Variants in NLGN1 observed in about 807,000 individuals in gnomAD.
NLGN1 encodes neuroligin 1.
Under a neutral mutation model 65.5 loss-of-function variants are expected in NLGN1, and 12 were observed. The observed-to-expected ratio is 0.18, with a 90% CI of 0.12 to 0.30. NLGN1 has a LOEUF of 0.30. NLGN1 is among the 10% of genes least tolerant of loss of function. NLGN1 has a pLI of 1.00. For missense variants in NLGN1, 750 were observed against 1,007.1 expected, an observed-to-expected ratio of 0.74 and a Z score of 3.46; for synonymous variants, 350 against 359.5, an observed-to-expected ratio of 0.97 and a Z score of 0.30.
At chr3:173,731,833 T>C (rs1772907950) in intron 3 of NLGN1, among the ~76,000 whole-genome samples, 1 of 152,072 alleles carries the variant, frequency 6.6e-6, no homozygotes, top group African/African-American at 2.4e-5. Context: ...GTATTATGAC[T>C]GAGTTCAGGA....
intron 4 of NLGN1, among the ~76,000 whole-genome samples, chr3:174,156,440 T>C (rs533892231): frequency 5.3e-5 from 8 of 151,920 alleles, no homozygotes; most frequent in Admixed American, 1.3e-4. Context: ...ATTCTCGAAA[T>C]GAAAGTAAGA....
At chr3:173,539,608 GTTATATA>G (rs542927368) in intron 2 of NLGN1, among the ~76,000 whole-genome samples, 2 of 84,594 alleles carry the variant, frequency 2.4e-5, no homozygotes, top group South Asian at 4.4e-4. Context: ...ATATATGTAT[GTTATATA>G]TTATATATTT....
At chr3:173,845,487 TG>T (rs1384841146) in intron 4 of NLGN1, among the ~76,000 whole-genome samples, 1 of 152,140 alleles carries the variant, frequency 6.6e-6, no homozygotes, top group Non-Finnish European at 1.5e-5. Flanking sequence ...AAATCTCTGT[TG>T]TGGCGAAATA....
intron 4 of NLGN1, among the ~76,000 whole-genome samples, chr3:173,904,622 T>C (rs1738028469): frequency 6.6e-6 from 1 of 152,072 alleles, no homozygotes; most frequent in African/African-American, 2.4e-5. Flanking sequence ...AATAATATCT[T>C]GAGAGAAATA....
At chr3:173,739,828 G>A (rs896945638) in intron 3 of NLGN1, among the ~76,000 whole-genome samples, 16 of 152,032 alleles carry the variant, frequency 1.1e-4, no homozygotes, top group African/African-American at 2.7e-4. Context: ...TTGTAAATGC[G>A]CTTCTACTTT....
chr3:173,879,041 T>C (rs1254102816), intron 4 of NLGN1, among the ~76,000 whole-genome samples: 1 of 152,052 alleles, frequency 6.6e-6, no homozygotes, highest in Non-Finnish European at 1.5e-5. Flanking sequence ...GAGACCAGCC[T>C]GGCCAACACG....
rs1196474218 is a variant in NLGN1, at chr3:174,154,972, A to ATTATATG, written c.647-120342_647-120341insTATATGT. On this transcript the variant is annotated intron_variant, in intron 4 of 6. Coordinates refer to ENST00000457714, the Ensembl canonical transcript of NLGN1. ...TATATAATATAATATATAATTATAT[A>ATTATATG]TAATATATTATATTATATATTATAT... Among the ~76,000 whole-genome samples, 1,215 of 135,496 alleles carry ATTATATG rather than the reference A, an allele frequency of 9.0e-3. 8 individuals carry two copies. Among genetic ancestry groups the ATTATATG allele is most frequent in the Middle Eastern group, 0.034 (9 of 264 alleles). The allele number at this position is 135,496 out of a possible 152,430, so 88.9% of individuals were successfully genotyped here.
At chr3:173,447,646 T>C (rs991458539) in intron 2 of NLGN1, among the ~76,000 whole-genome samples, 32 of 152,182 alleles carry the variant, frequency 2.1e-4, no homozygotes, top group Non-Finnish European at 3.5e-4. Context: ...TAAATTACCT[T>C]GGGCAGTATG....
intron 4 of NLGN1, among the ~76,000 whole-genome samples, chr3:173,938,063 G>A (rs1745359988): frequency 6.6e-6 from 1 of 152,140 alleles, no homozygotes; most frequent in African/African-American, 2.4e-5. Flanking sequence ...CCTATTAATT[G>A]TCAAACACTG....
intron 4 of NLGN1, among the ~76,000 whole-genome samples, chr3:174,273,291 AC>A (rs1561447097): frequency 4.0e-5 from 6 of 150,496 alleles, no homozygotes; most frequent in African/African-American, 1.2e-4. Flanking sequence ...TCTTTCATTC[AC>A]TCTCTCTCTC....
chr3:174,147,930 A>G (rs1723647953), intron 4 of NLGN1, among the ~76,000 whole-genome samples: 1 of 152,192 alleles, frequency 6.6e-6, no homozygotes, highest in Non-Finnish European at 1.5e-5. Context: ...GAACTACCAC[A>G]TTAAAATAGC....
chr3:173,800,284 C>A, intron 3 of NLGN1: 1 of 1,087,454 alleles, frequency 9.2e-7, no homozygotes, highest in Non-Finnish European at 1.2e-6. Flanking sequence ...TCTCCGTTCT[C>A]AATCCTAGGT....
intron 3 of NLGN1, among the ~76,000 whole-genome samples, chr3:173,755,960 G>A (rs987563292): frequency 1.3e-5 from 2 of 151,970 alleles, no homozygotes; most frequent in Admixed American, 6.6e-5. Context: ...TGTATCATTG[G>A]TAAAATAGGT....
chr3:173,575,315 A>C (rs780081628), intron 2 of NLGN1, among the ~76,000 whole-genome samples: 1 of 152,248 alleles, frequency 6.6e-6, no homozygotes, highest in Non-Finnish European at 1.5e-5. Flanking sequence ...AGTTTATGGA[A>C]TCTTGTTTGA....
intron 4 of NLGN1, among the ~76,000 whole-genome samples, chr3:174,154,907 A>G (rs1015819875): frequency 2.3e-5 from 3 of 128,170 alleles, no homozygotes; most frequent in African/African-American, 9.6e-5. Context: ...TTTTCATTTT[A>G]TATTAAGATA....
intron 2 of NLGN1, among the ~76,000 whole-genome samples, chr3:173,552,640 C>T (rs1577239935): frequency 6.6e-6 from 1 of 152,102 alleles, no homozygotes; most frequent in East Asian, 1.9e-4. Context: ...TAGTAGTCTT[C>T]CCACCTCACA....
chr3:173,922,428 T>G (rs144621691), intron 4 of NLGN1, among the ~76,000 whole-genome samples: 51 of 152,216 alleles, frequency 3.4e-4, no homozygotes, highest in Middle Eastern at 6.8e-3. Flanking sequence ...GCTCAAATTT[T>G]TAAAAAGCTG....
intron 3 of NLGN1, among the ~76,000 whole-genome samples, chr3:173,782,691 CT>C (rs5854538): frequency 3.5e-4 from 51 of 144,674 alleles, no homozygotes; most frequent in Admixed American, 1.0e-3. Flanking sequence ...CAAAGCTTAC[CT>C]TTTTTTTTTT....
intron 4 of NLGN1, among the ~76,000 whole-genome samples, chr3:174,241,852 G>GT (rs1742918177): frequency 1.3e-5 from 2 of 151,956 alleles, no homozygotes; most frequent in Non-Finnish European, 2.9e-5. Context: ...TAGAGACGGG[G>GT]TTTCACCGTG....
Sources: allele counts gnomAD v4.1 joint callset (sites outside exome capture counted in the v4.1 genomes callset), GRCh38; gene constraint gnomAD v4.1.1; transcripts MANE v1.5; gene names NCBI Gene and HGNC (gene_info 2026-07-23, HGNC 2026-07-21).